The following PUM1 variants were observed in gnomAD, a reference collection of about 807,000 sequenced individuals.
The protein encoded by PUM1 is pumilio RNA binding family member 1.
PUM1 carries 13 observed loss-of-function variants against 131.8 expected under a neutral mutation model. The observed-to-expected ratio is 0.10, with a 90% CI of 0.06 to 0.16. The LOEUF (loss-of-function observed/expected upper bound fraction) is 0.16. PUM1 is among the 10% of genes least tolerant of loss of function. The pLI, the probability that PUM1 is intolerant of heterozygous loss-of-function variation, is 1.00. For synonymous variants in PUM1, 509 were observed against 556.5 expected (o/e 0.91, Z 1.20); for missense variants, 961 against 1,512.4 (o/e 0.64, Z 6.05).
chr1:31,023,195 TTGAGG>T (rs1643098161), intron 3 of PUM1, among the ~76,000 whole-genome samples: 2 of 151,960 alleles, frequency 1.3e-5, no homozygotes, highest in Non-Finnish European at 2.9e-5. Context: ...AGGCTACATT[TTGAGG>T]AAAAAGGGGA....
intron 2 of PUM1, among the ~76,000 whole-genome samples, chr1:31,046,199 CAAG>C (rs1421436449): frequency 5.3e-5 from 8 of 152,008 alleles, no homozygotes; most frequent in Admixed American, 3.9e-4. Context: ...CCAGCCTCAC[CAAG>C]AAGGAGAAAT....
intron 2 of PUM1, among the ~76,000 whole-genome samples, chr1:31,033,379 T>TC (rs1292166031): frequency 2.6e-5 from 1 of 38,012 alleles, no homozygotes; most frequent in Non-Finnish European, 6.0e-5. Flanking sequence ...TAATTTTCTT[T>TC]TTTTTTTTTT....
At chr1:31,031,370 G>T (rs940750629) in intron 2 of PUM1, among the ~76,000 whole-genome samples, 51 of 152,260 alleles carry the variant, frequency 3.3e-4, no homozygotes, top group African/African-American at 1.1e-3. Flanking sequence ...AACTAAGTAG[G>T]AGGAGTAAGA....
chr1:30,968,485 C>T lies in PUM1; in HGVS notation c.1514G>A (p.Arg505His), dbSNP rs551662997. ...CAAAGGACGTTGGCTGGCTCCTCCA[C>T]GGAGAACCTGGGAAAGGAAGACAGA... ...QAQQGQQQVLRGGASQRPLTP... is the reference protein window; with the variant it reads ...QAQQGQQQVLHGGASQRPLTP... The change falls in exon 11 of 22, where the codon CGT (arginine) becomes CAT (histidine). Residue 505 changes from arginine to histidine, a missense_variant. Arg to His is a conservative substitution (Grantham distance 29). This residue lies in a region of PUM1 where 654 missense variants were observed against 923.9 expected (regional missense o/e 0.71). Coordinates refer to ENST00000426105, the MANE Select transcript of PUM1 (RefSeq NM_001020658.2). The T allele has an allele frequency of 2.5e-6, 4 of 1,591,782 alleles. No individual in the cohort carries two copies. Among genetic ancestry groups the T allele is most frequent in the South Asian group, 2.3e-5 (2 of 86,582 alleles).
intron 7 of PUM1, among the ~76,000 whole-genome samples, chr1:30,991,210 GCA>G (rs1262975371): frequency 2.0e-5 from 3 of 152,122 alleles, no homozygotes; most frequent in Admixed American, 6.5e-5. Context: ...GAGAAAAAAA[GCA>G]CAGAGAGTCA....
At chr1:30,976,397 T>C (rs1262723851) in intron 9 of PUM1, among the ~76,000 whole-genome samples, 1 of 152,212 alleles carries the variant, frequency 6.6e-6, no homozygotes, top group Admixed American at 6.5e-5. Flanking sequence ...TCCAACTTGA[T>C]TCATTAACAG....
chr1:30,992,817 G>A (rs1641840561), intron 6 of PUM1, among the ~76,000 whole-genome samples, 157 bp from the exon 7 acceptor site: 1 of 152,072 alleles, frequency 6.6e-6, no homozygotes, highest in African/African-American at 2.4e-5. Flanking sequence ...GGGCTTACAG[G>A]GTTACATCTT....
intron 7 of PUM1, among the ~76,000 whole-genome samples, chr1:30,982,879 T>C (rs1641406170): frequency 1.3e-5 from 2 of 152,268 alleles, no homozygotes. Context: ...TTTTGGAGTA[T>C]GAATGTCAAA....
intron 7 of PUM1, among the ~76,000 whole-genome samples, chr1:30,988,377 C>T (rs896608830): frequency 2.6e-5 from 4 of 152,062 alleles, no homozygotes; most frequent in African/African-American, 9.7e-5. Flanking sequence ...TTTGATGAAA[C>T]CAGCTTATTA....
At chr1:30,972,348 G>A (rs1222010472) in intron 10 of PUM1, among the ~76,000 whole-genome samples, 2 of 28 alleles carry the variant, frequency 0.071, 1 homozygote, top group Non-Finnish European at 0.11. Context: ...GGAGGGGAGG[G>A]GAGGGGAGGG....
intron 21 of PUM1, among the ~76,000 whole-genome samples, chr1:30,934,507 G>A (rs913730099): frequency 6.6e-6 from 1 of 152,184 alleles, no homozygotes; most frequent in Non-Finnish European, 1.5e-5. Context: ...AGGACACAGA[G>A]CTGCATCGGG....
At chr1:31,031,070 G>C (rs913489524) in intron 2 of PUM1, among the ~76,000 whole-genome samples, 2 of 152,166 alleles carry the variant, frequency 1.3e-5, no homozygotes, top group African/African-American at 2.4e-5. Flanking sequence ...TATTAGATGA[G>C]CACAATAAAT....
At chr1:30,952,173 T>G (rs1467479361) in intron 16 of PUM1, 61 bp downstream of exon 16, 3 of 1,544,674 alleles carry the variant, frequency 1.9e-6, no homozygotes, top group African/African-American at 1.4e-5. Context: ...AAAAGGCTAA[T>G]GAAAATCAAA....
intron 2 of PUM1, among the ~76,000 whole-genome samples, chr1:31,054,631 A>G (rs1462302917): frequency 6.6e-6 from 1 of 152,038 alleles, no homozygotes; most frequent in East Asian, 1.9e-4. Flanking sequence ...CTACAGAGAT[A>G]ATTTTCCATC....
chr1:31,015,676 CTT>C (rs568144593), intron 3 of PUM1, among the ~76,000 whole-genome samples: 10 of 119,216 alleles, frequency 8.4e-5, no homozygotes, highest in Non-Finnish European at 1.1e-4. Flanking sequence ...CTTTTTTTTT[CTT>C]TTTTTTTTTT....
At chr1:31,003,411 G>A (rs1174879163) in intron 5 of PUM1, among the ~76,000 whole-genome samples, 3 of 152,182 alleles carry the variant, frequency 2.0e-5, no homozygotes, top group African/African-American at 7.2e-5. Context: ...CCAACAGGCA[G>A]AGCAAAGTCA....
At chr1:31,012,798 A>G (rs1642672801) in intron 3 of PUM1, among the ~76,000 whole-genome samples, 1 of 152,206 alleles carries the variant, frequency 6.6e-6, no homozygotes, top group African/African-American at 2.4e-5. Flanking sequence ...ATGGATTAAG[A>G]CAATAAAAAG....
intron 7 of PUM1, among the ~76,000 whole-genome samples, chr1:30,984,413 C>T (rs149269600): frequency 1.3e-3 from 200 of 152,308 alleles, no homozygotes; most frequent in Admixed American, 8.6e-3. Context: ...CTGAGCTCTG[C>T]TAACATTTTC....
At chr1:30,958,003 T>C (rs1229524778) in intron 14 of PUM1, among the ~76,000 whole-genome samples, 1 of 152,194 alleles carries the variant, frequency 6.6e-6, no homozygotes, top group Non-Finnish European at 1.5e-5. Flanking sequence ...AGCTGATACG[T>C]CTCCTTCAAA....
Sources: gnomAD v4.1 joint callset for allele counts (sites outside exome capture counted in the v4.1 genomes callset) on GRCh38, gnomAD v4.1.1 for gene constraint, gnomAD v4.1.1 regional missense constraint, MANE v1.5 for transcripts, NCBI Gene and HGNC (gene_info 2026-07-23, HGNC 2026-07-21) for gene names.